ACLY: variants seen among roughly 807,000 people sequenced by gnomAD.
ACLY encodes ATP-citrate synthase.
Under a neutral mutation model 133.0 loss-of-function variants are expected in ACLY, and 41 were observed. The ratio of observed to expected loss-of-function variants is 0.31; its 90% CI spans 0.24 to 0.40. ACLY has a LOEUF of 0.40. Among genes scored for constraint, ACLY ranks in the 10% least tolerant of loss-of-function variants. The pLI is 1.00. For synonymous variants in ACLY, 495 were observed against 549.3 expected, an observed-to-expected ratio of 0.90 and a Z score of 1.38; for missense variants, 1,046 against 1,453.8, an observed-to-expected ratio of 0.72 and a Z score of 4.56.
rs2049088635 is a variant in ACLY, at chr17:41,887,585, G to C, written c.1875+14C>G. The C allele has an allele frequency of 6.2e-7, 1 of 1,611,200 alleles. No homozygotes were observed. Among genetic ancestry groups the C allele is most frequent in the Non-Finnish European group, 8.5e-7 (1 of 1,177,460 alleles). On this transcript the variant is annotated intron_variant, in intron 17 of 28. Coordinates refer to ENST00000352035, the MANE Select transcript of ACLY (RefSeq NM_001096.3). Reference sequence around the variant, plus strand: ...AGCATCGAACGTAAAAGGCTTTCCGGAGGGGAAGCTCACAGTGGCAGGTCC... The same window carrying C: ...AGCATCGAACGTAAAAGGCTTTCCGCAGGGGAAGCTCACAGTGGCAGGTCC...
At chr17:41,919,040 G>A (rs1260061387), upstream of ACLY, 2 of 1,283,750 alleles carry the variant, frequency 1.6e-6, no homozygotes, top group East Asian at 5.8e-5. Context: ...ACGGCCCCGC[G>A]ATTGGCCACA....
At chr17:41,889,319 G>T (rs539983191) in intron 16 of ACLY, among the ~76,000 whole-genome samples, 105 of 151,758 alleles carry the variant, frequency 6.9e-4, no homozygotes, top group African/African-American at 2.4e-3. Context: ...TGGAGTTCAA[G>T]ACCAGCCTGA....
rs1290275867 is a variant in ACLY at position 41,872,153 on chromosome 17, T to TCA, written c.2670_2671dup (p.Glu891ValfsTer5). ...ATCAGCTGTCACCATCAGACACATCTCAATGAACTGGCAAGAGTACTTAGG... is the reference window on the plus strand; with the variant it reads ...ATCAGCTGTCACCATCAGACACATCTCACAATGAACTGGCAAGAGTACTTAGG... On this transcript the variant is annotated frameshift_variant, in exon 24 of 29. Coordinates refer to ENST00000352035, the MANE Select transcript of ACLY (RefSeq NM_001096.3). LOFTEE classifies it high-confidence loss of function. 1.9e-6 allele frequency: 3 copies of TCA among 1,613,808 alleles called. No individual in the cohort carries two copies. The highest frequency in any genetic ancestry group is 1.7e-6 in the Non-Finnish European group (2 of 1,180,030).
chr17:41,897,039 A>G lies in ACLY; in HGVS notation c.1430-390T>C, dbSNP rs1238355461. On this transcript the variant is annotated intron_variant, in intron 13 of 28. Transcript: ENST00000352035. Reference sequence around the variant, plus strand: ...CTTTTTGTCTCCATGAAACACTATGAGATGATTGGCCAGCATGGGGTTGAC... The same window carrying G: ...CTTTTTGTCTCCATGAAACACTATGGGATGATTGGCCAGCATGGGGTTGAC... Among the ~76,000 whole-genome samples, 3 of 152,148 alleles carry G rather than the reference A, an allele frequency of 2.0e-5. No individual in the cohort carries two copies. The East Asian group carries it at 5.8e-4, about 29-fold the overall frequency.
chr17:41,886,340 A>G (rs1555628155), intron 17 of ACLY, 32 bp from the exon 18 acceptor site: 3 of 1,571,406 alleles, frequency 1.9e-6, no homozygotes, highest in African/African-American at 1.4e-5. Flanking sequence ...TCAGGGAGGA[A>G]GGTGACTTCC....
rs2049839718 is a variant in ACLY at position 41,909,700 on chromosome 17, CCTTGCAGGTGAAGAGACAGGA to C, written c.346-21_346-1del. ...TAGATGCAGACATAGAACTCCTCAGCCTTGCAGGTGAAGAGACAGGACAGTGGGATTGGGGTTGTGGGGGCG... is the reference window on the plus strand; with the variant it reads ...TAGATGCAGACATAGAACTCCTCAGCCAGTGGGATTGGGGTTGTGGGGGCG... On this transcript the variant is annotated splice_acceptor_variant and splice_polypyrimidine_tract_variant and intron_variant, in intron 4 of 28. Transcript: ENST00000352035. LOFTEE classifies it high-confidence loss of function. 5 of 1,613,878 alleles carry C rather than the reference CCTTGCAGGTGAAGAGACAGGA, an allele frequency of 3.1e-6. No homozygotes were observed. The highest frequency in any genetic ancestry group is 4.2e-6 in the Non-Finnish European group (5 of 1,179,868).
At chr17:41,927,344 G>C (rs892031933) in intron 1 of ACLY, among the ~76,000 whole-genome samples, 1 of 151,790 alleles carries the variant, frequency 6.6e-6, no homozygotes, top group Admixed American at 6.6e-5. Context: ...TATTTTATTT[G>C]AGATGTGATG....
In ACLY at chr17:41,904,799, G is replaced by A. The variant is rs368207073; in HGVS notation, c.1004-9C>T. ...AATGATGAGGATCTTGCCTGGATTTGGAGTAAGAGAGAATCAAAAACAGTT... is the reference window on the plus strand; with the variant it reads ...AATGATGAGGATCTTGCCTGGATTTAGAGTAAGAGAGAATCAAAAACAGTT... On this transcript the variant is annotated splice_polypyrimidine_tract_variant and intron_variant, in intron 9 of 28. Coordinates refer to ENST00000352035, the MANE Select transcript of ACLY (RefSeq NM_001096.3). The A allele has an allele frequency of 6.2e-7, 1 of 1,613,254 alleles. No homozygotes were observed. Among genetic ancestry groups the A allele is most frequent in the Admixed American group, 1.7e-5 (1 of 60,022 alleles).
intron 3 of ACLY, among the ~76,000 whole-genome samples, chr17:41,911,973 G>GT (rs1555633714): frequency 6.6e-6 from 1 of 152,110 alleles, no homozygotes; most frequent in Admixed American, 6.6e-5. Flanking sequence ...AATTAGCCAA[G>GT]TATGGTGCTG....
chr17:41,925,915 G>A (rs1555635921), intron 1 of ACLY, among the ~76,000 whole-genome samples: 5 of 151,918 alleles, frequency 3.3e-5, no homozygotes, highest in African/African-American at 1.2e-4. Context: ...TGTGATCATG[G>A]CTCACTGCAA....
chr17:41,909,366 C>T, intron 5 of ACLY, 144 bp downstream of exon 5: 5 of 875,614 alleles, frequency 5.7e-6, no homozygotes, highest in Non-Finnish European at 8.9e-6. Flanking sequence ...CCCCGCCCTG[C>T]ACCCAGCTGT....
upstream of ACLY, among the ~76,000 whole-genome samples, chr17:41,922,370 CAAAAAAAA>C (rs1164362085): frequency 6.5e-5 from 2 of 30,932 alleles, no homozygotes; most frequent in Non-Finnish European, 1.4e-4. Context: ...CAGAGCGAGA[CAAAAAAAA>C]AAAAAAAAAA....
upstream of ACLY, among the ~76,000 whole-genome samples, chr17:41,923,465 T>C (rs540841631): frequency 6.6e-6 from 1 of 152,244 alleles, no homozygotes; most frequent in Admixed American, 6.5e-5. Context: ...TTCATCATTT[T>C]GCCTATGATC....
At position 41,893,045 on chromosome 17, in the gene ACLY, A is replaced by G. The variant is rs1555629643; in HGVS notation, c.1589T>C (p.Val530Ala). 1.2e-6 allele frequency: 2 copies of G among 1,613,626 alleles called. No homozygotes were observed. The highest frequency in any genetic ancestry group is 1.1e-5 in the South Asian group (1 of 90,958). ...TGGGGTAACTCACGTGAAAGGGTAG[A>G]CCATGGCAGCCACTGAGGGCTCGTC... Reference protein sequence around the residue: ...SRDEPSVAAMVYPFTGDHKQK... With the variant: ...SRDEPSVAAMAYPFTGDHKQK... The change falls in exon 15 of 29, where the codon GTC (valine) becomes GCC (alanine). Residue 530 changes from valine (V) to alanine (A), a missense_variant. Val to Ala is a moderately conservative substitution (Grantham distance 64). Transcript: ENST00000352035.
intron 14 of ACLY, among the ~76,000 whole-genome samples, chr17:41,894,072 G>A (rs938374893): frequency 9.9e-5 from 15 of 151,866 alleles, no homozygotes; most frequent in Non-Finnish European, 1.9e-4. Flanking sequence ...CAATTAGCTG[G>A]GTGTGGTGGG....
In ACLY at chr17:41,900,367, T is replaced by G. The variant is rs1366579177; in HGVS notation, c.1183+1329A>C. Among the ~76,000 whole-genome samples, 31 of 94,882 alleles carry G rather than the reference T, an allele frequency of 3.3e-4. No homozygotes were observed. In the South Asian group the frequency reaches 7.5e-3, roughly 23 times the overall value. 62.2% of individuals were successfully genotyped at this position (94,882 alleles called of 152,430 possible). ...AACAGAGCGAGACTCCATCTCAAAA[T>G]AAAAAAAAAAGAAAAAAAAGAAAAA... On this transcript the variant is annotated intron_variant, in intron 11 of 28. Coordinates refer to ENST00000352035, the MANE Select transcript of ACLY (RefSeq NM_001096.3).
At chr17:41,876,000 C>T (rs1332930857) in intron 22 of ACLY, among the ~76,000 whole-genome samples, 3 of 150,354 alleles carry the variant, frequency 2.0e-5, no homozygotes, top group Admixed American at 6.6e-5. Context: ...AAGTGAGGAG[C>T]GCCTCTTCCC....
intron 27 of ACLY, 46 bp from the exon 28 acceptor site, chr17:41,868,831 C>A: frequency 1.9e-6 from 3 of 1,569,722 alleles, no homozygotes; most frequent in Non-Finnish European, 1.8e-6. Flanking sequence ...CACGTGACTG[C>A]CCTCCTCCCC....
At chr17:41,891,972 G>A (rs2049225338) in intron 16 of ACLY, among the ~76,000 whole-genome samples, 1 of 152,110 alleles carries the variant, frequency 6.6e-6, no homozygotes, top group South Asian at 2.1e-4. Flanking sequence ...CAAAGTCCTA[G>A]GATTACAGGC....
Sources: gnomAD v4.1 joint callset for allele counts (sites outside exome capture counted in the v4.1 genomes callset) on GRCh38, gnomAD v4.1.1 for gene constraint, MANE v1.5 for transcripts, NCBI Gene and HGNC (gene_info 2026-07-23, HGNC 2026-07-21) for gene names.